KCNC2: variants seen among roughly 807,000 people sequenced by gnomAD.
KCNC2 encodes the protein potassium voltage-gated channel subfamily C member 2, also known as voltage-gated potassium channel KCNC2.
Under a neutral mutation model 44.5 loss-of-function variants are expected in KCNC2, and 21 were observed. The ratio of observed to expected loss-of-function variants is 0.47; its 90% CI spans 0.33 to 0.68. The LOEUF is 0.68. Ranked by LOEUF, KCNC2 falls within the 30% of genes least tolerant of loss-of-function variation. The probability of loss-of-function intolerance (pLI) is 0.01; values close to 1 mark genes in which losing one functional copy is unlikely to be tolerated. For synonymous variants in KCNC2, 391 were observed against 339.1 expected, an observed-to-expected ratio of 1.15 and a Z score of -1.68; for missense variants, 589 against 826.2, an observed-to-expected ratio of 0.71 and a Z score of 3.52.
intron 2 of KCNC2, among the ~76,000 whole-genome samples, chr12:75,062,339 C>G (rs1379071271): frequency 6.6e-6 from 1 of 152,094 alleles, no homozygotes; most frequent in Non-Finnish European, 1.5e-5. Context: ...AACATGCATA[C>G]ATGCTAAACT....
chr12:75,066,548 A>T (rs939447442), intron 2 of KCNC2, among the ~76,000 whole-genome samples: 23 of 152,332 alleles, frequency 1.5e-4, no homozygotes, highest in African/African-American at 5.5e-4. Flanking sequence ...GATGAATAGC[A>T]CTTTCCTACT....
At position 75,207,879 on chromosome 12, in the gene KCNC2, G is replaced by A. The variant is rs910009327; in HGVS notation, c.105C>T (p.Ala35=). 1.2e-6 allele frequency: 2 copies of A among 1,612,692 alleles called. No homozygotes were observed. The highest frequency in any genetic ancestry group is 1.7e-6 in the Non-Finnish European group (2 of 1,179,884). ...CTGGGGGCTCGGAGGAGGCAAGAAG[G>A]GCCAGGCGTGTTCCAGGCAGGGTCT... ...TLKTLPGTRL[A]LLASSEPPGD... is the part of the protein sequence containing the mutation. The change falls in exon 2 of 5, where the codon GCC becomes GCT. Residue 35 remains alanine, a synonymous_variant. Coordinates refer to ENST00000549446, the MANE Select transcript of KCNC2 (RefSeq NM_139137.4). The surrounding 1 kb of genome is among the most constrained non-coding windows in gnomAD (Gnocchi z 4.1).
At chr12:75,043,407 A>C (rs1880140602) in intron 4 of KCNC2, 166 bp from the exon 5 acceptor site, 2 of 1,385,772 alleles carry the variant, frequency 1.4e-6, no homozygotes, top group African/African-American at 2.9e-5. Flanking sequence ...AATGAAGCTC[A>C]CTGTAGTTGC....
chr12:75,056,001 T>C (rs995906173), intron 2 of KCNC2, among the ~76,000 whole-genome samples: 16 of 152,060 alleles, frequency 1.1e-4, no homozygotes, highest in African/African-American at 3.9e-4. Context: ...GACTGTGTCC[T>C]TTCTCTGTGC....
At chr12:75,183,226 G>A (rs1401944332) in intron 2 of KCNC2, among the ~76,000 whole-genome samples, 2 of 152,308 alleles carry the variant, frequency 1.3e-5, no homozygotes, top group Non-Finnish European at 2.9e-5. Context: ...AAGTAACACA[G>A]TGTGAAAATT....
chr12:75,145,056 G>A (rs1889918182), intron 2 of KCNC2, among the ~76,000 whole-genome samples: 1 of 152,070 alleles, frequency 6.6e-6, no homozygotes, highest in South Asian at 2.1e-4. Context: ...TCTTTTTACT[G>A]GAAAAATTAC....
intron 2 of KCNC2, among the ~76,000 whole-genome samples, chr12:75,154,753 T>C (rs1382565890): frequency 6.6e-6 from 1 of 151,984 alleles, no homozygotes; most frequent in African/African-American, 2.4e-5. Flanking sequence ...TCTGAGCTAT[T>C]TTCATTTGAT....
chr12:75,203,259 T>A (rs977169060), intron 2 of KCNC2, among the ~76,000 whole-genome samples: 1 of 151,826 alleles, frequency 6.6e-6, no homozygotes, highest in African/African-American at 2.4e-5. Flanking sequence ...TTTTGTGGCT[T>A]GGCGAAGAGG....
chr12:75,200,495 C>T (rs1294671142), intron 2 of KCNC2, among the ~76,000 whole-genome samples: 4 of 151,708 alleles, frequency 2.6e-5, no homozygotes, highest in Admixed American at 2.0e-4. Context: ...AACTTAAAGC[C>T]ATATTCCCAC....
At chr12:75,085,643 A>T (rs1446009942) in intron 2 of KCNC2, among the ~76,000 whole-genome samples, 1 of 152,062 alleles carries the variant, frequency 6.6e-6, no homozygotes, top group African/African-American at 2.4e-5. Context: ...TAGGTCACAC[A>T]TATCTTCAAT....
At chr12:75,184,971 A>G (rs1464815553) in intron 2 of KCNC2, among the ~76,000 whole-genome samples, 1 of 152,222 alleles carries the variant, frequency 6.6e-6, no homozygotes, top group East Asian at 1.9e-4. Context: ...GTAAGTATTC[A>G]TTTGTGGACA....
chr12:75,174,135 C>A (rs1371629055), intron 2 of KCNC2, among the ~76,000 whole-genome samples: 1 of 149,276 alleles, frequency 6.7e-6, no homozygotes, highest in Non-Finnish European at 1.5e-5. Context: ...ACAGTTCTAA[C>A]TTTTTTTTTT....
chr12:75,075,014 T>A (rs556071506), intron 2 of KCNC2, among the ~76,000 whole-genome samples: 1 of 152,236 alleles, frequency 6.6e-6, no homozygotes, highest in Admixed American at 6.5e-5. Context: ...AACAGCAAGA[T>A]GTGTTGCATT....
intron 2 of KCNC2, among the ~76,000 whole-genome samples, chr12:75,062,277 A>G (rs1882420505): frequency 2.0e-5 from 3 of 152,104 alleles, no homozygotes; most frequent in Admixed American, 6.6e-5. Flanking sequence ...CTCAGAAAAG[A>G]AAAGCTAGAC....
intron 2 of KCNC2, among the ~76,000 whole-genome samples, chr12:75,082,978 T>C (rs1351097413): frequency 6.6e-6 from 1 of 151,476 alleles, no homozygotes; most frequent in Non-Finnish European, 1.5e-5. Context: ...GATAGAGGCA[T>C]CTATACAGAG....
At chr12:75,203,334 A>G (rs1322648595) in intron 2 of KCNC2, among the ~76,000 whole-genome samples, 1 of 151,882 alleles carries the variant, frequency 6.6e-6, no homozygotes, top group Non-Finnish European at 1.5e-5. Context: ...AGAAATTAAA[A>G]TTTCCATTTT....
At chr12:75,081,408 A>ATTT (rs34651267) in intron 2 of KCNC2, among the ~76,000 whole-genome samples, 1 of 130,466 alleles carries the variant, frequency 7.7e-6, no homozygotes, top group Non-Finnish European at 1.6e-5. Context: ...TTAAACATTC[A>ATTT]TTTTTTTTTT....
chr12:75,050,435 T>C lies in KCNC2; in HGVS notation c.1570A>G (p.Thr524Ala). 1 of 1,613,468 alleles carries C rather than the reference T, an allele frequency of 6.2e-7. No homozygotes were observed. The highest frequency in any genetic ancestry group is 8.5e-7 in the Non-Finnish European group (1 of 1,179,638). Residue 524 changes from threonine to alanine, a missense_variant, in exon 3 of 5, where the codon ACA becomes GCA. Transcript: ENST00000549446. The stretch of plus-strand genomic sequence containing the variant: ...AGTCGATTGTCTTTGCCCAGACATG[T>C]GTCACTCTGTGTACTATTGCAGGCC... ...NMACNSTQSDTCLGKDNRLLE... is the reference protein window; with the variant it reads ...NMACNSTQSDACLGKDNRLLE...
intron 2 of KCNC2, among the ~76,000 whole-genome samples, chr12:75,146,279 C>T (rs1358185704): frequency 6.6e-6 from 1 of 152,034 alleles, no homozygotes; most frequent in Non-Finnish European, 1.5e-5. Flanking sequence ...AATCACTATC[C>T]TATAGTTGGT....
Sources: gnomAD v4.1 joint callset for allele counts (sites outside exome capture counted in the v4.1 genomes callset) on GRCh38, gnomAD v4.1.1 for gene constraint, Gnocchi (gnomAD v3.1) non-coding constraint, MANE v1.5 for transcripts, NCBI Gene and HGNC (gene_info 2026-07-23, HGNC 2026-07-21) for gene names.